Variants in PHLPP2 observed in about 807,000 individuals in gnomAD.
The protein encoded by PHLPP2 is PH domain and leucine rich repeat protein phosphatase 2.
Under a neutral mutation model 124.9 loss-of-function variants are expected in PHLPP2, and 66 were observed. The observed-to-expected ratio is 0.53, with a 90% CI of 0.43 to 0.65. PHLPP2 has a LOEUF of 0.65. Among genes scored for constraint, PHLPP2 ranks in the 30% least tolerant of loss-of-function variants. The probability of loss-of-function intolerance (pLI) is 0.00; values close to 1 mark genes in which losing one functional copy is unlikely to be tolerated. For missense variants in PHLPP2, 1,685 were observed against 1,600.4 expected, an observed-to-expected ratio of 1.05 and a Z score of -0.90; for synonymous variants, 681 against 624.7, an observed-to-expected ratio of 1.09 and a Z score of -1.34.
At chr16:71,670,614 AGG>A (rs2044882815) in intron 10 of PHLPP2, among the ~76,000 whole-genome samples, 1 of 149,212 alleles carries the variant, frequency 6.7e-6, no homozygotes, top group Non-Finnish European at 1.5e-5. Flanking sequence ...GAAAATAGTT[AGG>A]GGGATTGTGA....
chr16:71,704,669 A>G (rs2045260782), intron 2 of PHLPP2, among the ~76,000 whole-genome samples: 3 of 152,224 alleles, frequency 2.0e-5, no homozygotes, highest in Admixed American at 6.5e-5. Context: ...AACGACCAAT[A>G]AAGATTGAAT....
intron 2 of PHLPP2, among the ~76,000 whole-genome samples, chr16:71,705,361 A>G (rs539379855): frequency 6.6e-6 from 1 of 152,288 alleles, no homozygotes; most frequent in South Asian, 2.1e-4. Flanking sequence ...CTAAATCTCG[A>G]GTGCTCAATT....
rs1049592865 is a variant in PHLPP2, at chr16:71,686,783, T to C, written c.610-2182A>G. Among the ~76,000 whole-genome samples, 22 of 152,198 alleles carry C rather than the reference T, an allele frequency of 1.4e-4. No homozygotes were observed. The East Asian group carries it at 4.0e-3, about 28-fold the overall frequency. On this transcript the variant is annotated intron_variant, in intron 4 of 18. Coordinates refer to ENST00000568954, the MANE Select transcript of PHLPP2 (RefSeq NM_015020.3). Reference sequence around the variant, plus strand: ...AGCAGTTCTTTCCCTTTTTTTTTTTTCGCTTAGCAGTATTTCCTGGTATAG... The same window carrying C: ...AGCAGTTCTTTCCCTTTTTTTTTTTCCGCTTAGCAGTATTTCCTGGTATAG...
chr16:71,698,559 T>A, intron 3 of PHLPP2: 1 of 656,438 alleles, frequency 1.5e-6, no homozygotes, highest in South Asian at 1.4e-5. Flanking sequence ...TGAACATCCA[T>A]CTGAAAGGCC....
At chr16:71,701,294 ATCTATCTATC>A (rs2045230594) in intron 3 of PHLPP2, among the ~76,000 whole-genome samples, 3 of 91,806 alleles carry the variant, frequency 3.3e-5, no homozygotes, top group African/African-American at 1.3e-4. Context: ...CTATCTATCT[ATCTATCTATC>A]TATCTATCTA....
In PHLPP2 at chr16:71,648,953, G is replaced by C. The variant is rs147202140; in HGVS notation, c.3909C>G (p.Leu1303=). The change falls in exon 19 of 19, where the codon CTC becomes CTG. Residue 1303 remains leucine, a synonymous_variant. Transcript: ENST00000568954. ...EQMKQHQDSR[L]EPEPHEEDRT... Reference sequence around the variant, plus strand: ...GATCCTCTTCATGGGGCTCAGGCTCGAGCCGGCTGTCCTGGTGCTGTTTCA... The same window carrying C: ...GATCCTCTTCATGGGGCTCAGGCTCCAGCCGGCTGTCCTGGTGCTGTTTCA... The C allele has an allele frequency of 1.9e-6, 3 of 1,613,754 alleles. No homozygotes were observed. In the Admixed American group the frequency reaches 5.0e-5, roughly 27 times the overall value.
chr16:71,701,512 C>T (rs1429831871), intron 3 of PHLPP2, among the ~76,000 whole-genome samples: 3 of 152,168 alleles, frequency 2.0e-5, no homozygotes, highest in African/African-American at 7.2e-5. Context: ...CAAACTGGTA[C>T]TCTTTTAGAC....
intron 2 of PHLPP2, among the ~76,000 whole-genome samples, chr16:71,704,432 C>G (rs552848299): frequency 4.0e-5 from 6 of 151,810 alleles, no homozygotes; most frequent in African/African-American, 1.4e-4. Context: ...CTAGAAAATG[C>G]TGTTGGCAAC....
At chr16:71,674,382 C>CTTT (rs371726738) in intron 9 of PHLPP2, among the ~76,000 whole-genome samples, 1 of 141,316 alleles carries the variant, frequency 7.1e-6, no homozygotes, top group Non-Finnish European at 1.5e-5. Context: ...CAGGCCCAGA[C>CTTT]TTTTTTTTTT....
At chr16:71,722,234 C>G (rs1407640383) in intron 1 of PHLPP2, among the ~76,000 whole-genome samples, 1 of 152,074 alleles carries the variant, frequency 6.6e-6, no homozygotes, top group Admixed American at 6.6e-5. Context: ...GAGTTCAAGA[C>G]CAGCCTGGGA....
intron 2 of PHLPP2, among the ~76,000 whole-genome samples, chr16:71,711,403 G>T (rs1488519760): frequency 6.6e-6 from 1 of 152,006 alleles, no homozygotes; most frequent in Non-Finnish European, 1.5e-5. Context: ...AATATGATGT[G>T]AGCCCAAATA....
At chr16:71,721,812 A>AC (rs2045400391) in intron 1 of PHLPP2, among the ~76,000 whole-genome samples, 1 of 152,190 alleles carries the variant, frequency 6.6e-6, no homozygotes, top group African/African-American at 2.4e-5. Context: ...AAATTTACAA[A>AC]CCTATGGTCC....
chr16:71,653,921 T>A (rs1384546556), intron 17 of PHLPP2, among the ~76,000 whole-genome samples: 2 of 151,924 alleles, frequency 1.3e-5, no homozygotes, highest in African/African-American at 4.8e-5. Context: ...ATTAGCCTGG[T>A]GCAGTGGCTC....
chr16:71,705,828 C>T (rs1044064053), intron 2 of PHLPP2, among the ~76,000 whole-genome samples: 1 of 152,122 alleles, frequency 6.6e-6, no homozygotes, highest in Non-Finnish European at 1.5e-5. Context: ...ACATATCTAC[C>T]GTAAGAAAGT....
chr16:71,712,548 T>G (rs2045330839), intron 2 of PHLPP2, among the ~76,000 whole-genome samples: 1 of 152,136 alleles, frequency 6.6e-6, no homozygotes, highest in Non-Finnish European at 1.5e-5. Context: ...AGATATAATA[T>G]AGGTCAAGGC....
intron 2 of PHLPP2, among the ~76,000 whole-genome samples, chr16:71,707,544 C>A (rs1343891216): frequency 6.6e-6 from 1 of 152,106 alleles, no homozygotes; most frequent in East Asian, 1.9e-4. Flanking sequence ...TGAGTTGAAT[C>A]ATGAGGTCAA....
chr16:71,688,519 C>A (rs1320762326), intron 4 of PHLPP2, among the ~76,000 whole-genome samples: 4 of 151,354 alleles, frequency 2.6e-5, no homozygotes, highest in Admixed American at 2.0e-4. Flanking sequence ...AAGACGTTTG[C>A]TCATTTATTT....
intron 1 of PHLPP2, chr16:71,715,018 G>A (rs1006736321): frequency 1.4e-5 from 8 of 583,824 alleles, no homozygotes; most frequent in African/African-American, 1.9e-5. Context: ...CATCATCTTC[G>A]TTGACCTCTC....
At chr16:71,701,264 TCATCTATCTATC>T (rs1567626503) in intron 3 of PHLPP2, among the ~76,000 whole-genome samples, 2 of 144,452 alleles carry the variant, frequency 1.4e-5, no homozygotes, top group East Asian at 4.0e-4. Context: ...GATAACTAAT[TCATCTATCTATC>T]TATCTATCTA....
Sources: allele counts gnomAD v4.1 joint callset (sites outside exome capture counted in the v4.1 genomes callset), GRCh38; gene constraint gnomAD v4.1.1; transcripts MANE v1.5; gene names NCBI Gene and HGNC (gene_info 2026-07-23, HGNC 2026-07-21).